Variants in EHMT1 observed in about 807,000 individuals in gnomAD.
EHMT1 encodes euchromatic histone lysine methyltransferase 1.
EHMT1 carries 15 observed loss-of-function variants against 147.2 expected under a neutral mutation model. The observed-to-expected ratio is 0.10, with a 90% confidence interval of 0.07 to 0.16. The LOEUF (loss-of-function observed/expected upper bound fraction) is 0.16, where lower values mean the gene tolerates loss of function less well. Ranked by LOEUF, EHMT1 falls within the 10% of genes least tolerant of loss-of-function variation. EHMT1 has a pLI of 1.00. For synonymous variants in EHMT1, 795 were observed against 709.6 expected, an observed-to-expected ratio of 1.12 and a Z score of -1.91; for missense variants, 1,587 against 1,772.4, an observed-to-expected ratio of 0.90 and a Z score of 1.88.
Position 137,732,989 on chromosome 9 carries a change from T to C in EHMT1, c.823+4460T>C, listed in dbSNP as rs975501598. 1.3e-5 allele frequency among the ~76,000 whole-genome samples: 2 copies of C among 152,150 alleles called. No homozygotes were observed. The highest frequency in any genetic ancestry group is 4.8e-5 in the African/African-American group (2 of 41,432). On this transcript the variant is annotated intron_variant, in intron 4 of 26. Coordinates refer to ENST00000460843, the MANE Select transcript of EHMT1 (RefSeq NM_024757.5). This position sits in a 1 kb window ranked among gnomAD's most constrained non-coding sequence, Gnocchi z 4.6. ...GGCAGGAAAGAAGAGCAGAGTCACA[T>C]GTTGGTTTCAACGTGCATTGTACTC...
intron 3 of EHMT1, among the ~76,000 whole-genome samples, chr9:137,723,360 C>T (rs1327883378): frequency 7.7e-6 from 1 of 130,172 alleles, no homozygotes; most frequent in African/African-American, 3.0e-5. Flanking sequence ...TGGGCCTGAG[C>T]CCGGGGTGTG....
chr9:137,692,267 C>CTTTTT (rs11398600), intron 1 of EHMT1, among the ~76,000 whole-genome samples: 15 of 118,378 alleles, frequency 1.3e-4, no homozygotes, highest in African/African-American at 2.2e-4. Flanking sequence ...TTCTTTCTTT[C>CTTTTT]TTTTTTTTTT....
chr9:137,715,358 C>G (rs959593087), intron 2 of EHMT1, among the ~76,000 whole-genome samples: 1 of 152,206 alleles, frequency 6.6e-6, no homozygotes, highest in Admixed American at 6.5e-5. Flanking sequence ...GTTGTTTATT[C>G]AGAACACACA....
intron 1 of EHMT1, among the ~76,000 whole-genome samples, chr9:137,669,336 GGACCCCACAC>G (rs1940148812): frequency 3.2e-4 from 7 of 22,194 alleles, no homozygotes; most frequent in African/African-American, 1.1e-3. Flanking sequence ...CACAGCACGT[GGACCCCACAC>G]CACCCAAGAC....
At chr9:137,725,688 G>A (rs1271953030) in intron 3 of EHMT1, among the ~76,000 whole-genome samples, 1 of 152,144 alleles carries the variant, frequency 6.6e-6, no homozygotes, top group Non-Finnish European at 1.5e-5. Context: ...AGGACCACAT[G>A]GCAGCAAGAT....
chr9:137,762,493 C>G (rs1387485329), intron 9 of EHMT1, among the ~76,000 whole-genome samples, 182 bp from the exon 10 acceptor site: 3 of 152,198 alleles, frequency 2.0e-5, no homozygotes, highest in Admixed American at 1.3e-4. Flanking sequence ...CAGGCCACCC[C>G]TTCATGTTGC....
chr9:137,630,996 A>G (rs920899175), intron 1 of EHMT1, among the ~76,000 whole-genome samples: 2 of 152,134 alleles, frequency 1.3e-5, no homozygotes, highest in Non-Finnish European at 2.9e-5. Context: ...GTAGGGGGCC[A>G]GTGAGCAGGC....
At chr9:137,826,383 A>G (rs1318987714) in intron 25 of EHMT1, among the ~76,000 whole-genome samples, 3 of 152,198 alleles carry the variant, frequency 2.0e-5, no homozygotes, top group African/African-American at 7.2e-5. Flanking sequence ...ACCCCGGTCC[A>G]CTTCCAGGCA....
chr9:137,778,113 G>T, intron 13 of EHMT1, 58 bp downstream of exon 13: 1 of 1,606,778 alleles, frequency 6.2e-7, no homozygotes, highest in Non-Finnish European at 8.5e-7. Context: ...TCTGCACCCC[G>T]CGTTTTTCCC....
chr9:137,755,116 A>C (rs1194125751), intron 8 of EHMT1, among the ~76,000 whole-genome samples: 1 of 152,150 alleles, frequency 6.6e-6, no homozygotes, highest in Non-Finnish European at 1.5e-5. Context: ...CACAGAAATA[A>C]ATTACACAAT....
intron 1 of EHMT1, among the ~76,000 whole-genome samples, chr9:137,635,023 A>G (rs1296292852): frequency 6.6e-6 from 1 of 151,158 alleles, no homozygotes; most frequent in African/African-American, 2.4e-5. Context: ...CCCGGCTGTC[A>G]CTTGGATTTT....
At chr9:137,728,221 C>T in intron 3 of EHMT1, 128 bp from the exon 4 acceptor site, 1 of 1,354,310 alleles carries the variant, frequency 7.4e-7, no homozygotes, top group Non-Finnish European at 1.0e-6. Context: ...ACTTTCTCCT[C>T]TCTCCATTGT....
chr9:137,812,076 C>CTGGGT (rs1954535808), intron 19 of EHMT1, among the ~76,000 whole-genome samples: 1 of 152,218 alleles, frequency 6.6e-6, no homozygotes, highest in Non-Finnish European at 1.5e-5. Context: ...TGGTGGCTCA[C>CTGGGT]GCCTGTAATC....
intron 1 of EHMT1, among the ~76,000 whole-genome samples, chr9:137,649,834 C>G (rs966729231): frequency 7.2e-5 from 11 of 152,048 alleles, no homozygotes; most frequent in African/African-American, 2.7e-4. Context: ...TCCAGAACTG[C>G]GAAAAGATAA....
intron 3 of EHMT1, 146 bp downstream of exon 3, chr9:137,717,328 A>G: frequency 1.9e-6 from 2 of 1,073,366 alleles, no homozygotes; most frequent in Non-Finnish European, 2.7e-6. Context: ...GAAGGCCGGG[A>G]GCAGTGGCTT....
chr9:137,826,975 A>G (rs1156731343), intron 25 of EHMT1, among the ~76,000 whole-genome samples: 1 of 152,184 alleles, frequency 6.6e-6, no homozygotes, highest in African/African-American at 2.4e-5. Flanking sequence ...TCGCTGCTGG[A>G]GGCTCTCAGT....
At chr9:137,689,470 G>A (rs930600075) in intron 1 of EHMT1, among the ~76,000 whole-genome samples, 1 of 152,030 alleles carries the variant, frequency 6.6e-6, no homozygotes, top group Admixed American at 6.6e-5. Flanking sequence ...TTTGGGAGGC[G>A]GAGGTGGGTG....
At chr9:137,754,887 C>T (rs1949259898) in intron 8 of EHMT1, among the ~76,000 whole-genome samples, 1 of 152,170 alleles carries the variant, frequency 6.6e-6, no homozygotes. Flanking sequence ...GAACCTGTGG[C>T]CTGCATGGGC....
rs61609571 is a variant in EHMT1 at position 137,743,100 on chromosome 9, G to A, written c.824-271G>A. 3,701 of 435,600 alleles carry A rather than the reference G, an allele frequency of 8.5e-3. 132 individuals carry two copies. The highest frequency in any genetic ancestry group is 0.068 in the African/African-American group (3,398 of 49,744). 27.0% of individuals were successfully genotyped at this position (435,600 alleles called of 1,614,324 possible). A position where few individuals can be genotyped will look rare whatever the true frequency, so the allele number is the denominator to read the frequency against. ...TGATTTGTGGCTTTCCTGCCTCCAA[G>A]GTGGGGTGATAATGTTTGCTCCGTG... On this transcript the variant is annotated intron_variant, in intron 4 of 26. Coordinates refer to ENST00000460843, the MANE Select transcript of EHMT1 (RefSeq NM_024757.5).
Sources: allele counts gnomAD v4.1 joint callset (sites outside exome capture counted in the v4.1 genomes callset), GRCh38; gene constraint gnomAD v4.1.1; non-coding constraint Gnocchi (gnomAD v3.1); transcripts MANE v1.5; gene names NCBI Gene and HGNC (gene_info 2026-07-23, HGNC 2026-07-21).